ENTREP2: variants seen among roughly 807,000 people sequenced by gnomAD.
ENTREP2 encodes protein ENTREP2.
chr15:29,307,364 C>T, the ENTREP2 span, among the ~76,000 whole-genome samples: 1 of 151,946 alleles, frequency 6.6e-6, no homozygotes, highest in African/African-American at 2.4e-5. Flanking sequence ...TGCTTTCTAT[C>T]ATAATCATCA....
At chr15:29,623,248 T>C in the ENTREP2 span, among the ~76,000 whole-genome samples, 1 of 152,164 alleles carries the variant, frequency 6.6e-6, no homozygotes. Context: ...AGCCAGCCTC[T>C]GAGCGAGGAA....
chr15:29,444,787 C>T, the ENTREP2 span, among the ~76,000 whole-genome samples: 1 of 152,172 alleles, frequency 6.6e-6, no homozygotes, highest in African/African-American at 2.4e-5. Context: ...TTTCCTTTCA[C>T]AAATGCGTGG....
chr15:29,560,361 G>A, the ENTREP2 span, among the ~76,000 whole-genome samples: 1 of 152,198 alleles, frequency 6.6e-6, no homozygotes, highest in Non-Finnish European at 1.5e-5. Context: ...TATGTCAAGA[G>A]GAGAGAGGTA....
chr15:29,299,014 T>C, the ENTREP2 span, among the ~76,000 whole-genome samples: 1 of 152,040 alleles, frequency 6.6e-6, no homozygotes, highest in South Asian at 2.1e-4. Context: ...AGAAGAGTAA[T>C]GTCCATGGAA....
the ENTREP2 span, among the ~76,000 whole-genome samples, chr15:29,148,230 A>C: frequency 2.4e-4 from 37 of 152,344 alleles, no homozygotes; most frequent in East Asian, 6.9e-3. Context: ...TGAAGGTTGT[A>C]CAACTCTGTG....
chr15:29,460,318 T>A, the ENTREP2 span, among the ~76,000 whole-genome samples: 5 of 152,074 alleles, frequency 3.3e-5, no homozygotes, highest in Non-Finnish European at 5.9e-5. Context: ...ACAATGTATG[T>A]GTCAGTTACG....
the ENTREP2 span, among the ~76,000 whole-genome samples, chr15:29,356,789 C>A: frequency 6.6e-6 from 1 of 152,034 alleles, no homozygotes; most frequent in Non-Finnish European, 1.5e-5. Context: ...TAGGATCACA[C>A]AGATGTTAAT....
chr15:29,136,592 G>A, the ENTREP2 span: 2 of 1,360,612 alleles, frequency 1.5e-6, no homozygotes, highest in Non-Finnish European at 2.0e-6. Context: ...GGGGCGGCCA[G>A]GGCTTCCCCT....
the ENTREP2 span, among the ~76,000 whole-genome samples, chr15:29,575,612 CAAAG>C: frequency 6.6e-6 from 1 of 152,068 alleles, no homozygotes; most frequent in African/African-American, 2.4e-5. Context: ...TAGAAAATCT[CAAAG>C]AATTCACAAG....
the ENTREP2 span, among the ~76,000 whole-genome samples, chr15:29,600,902 C>CT: frequency 4.8e-4 from 59 of 123,584 alleles, 2 homozygotes; most frequent in South Asian, 7.2e-4. Context: ...ATTTTTCTTT[C>CT]TTTTTTTTTT....
At chr15:29,608,148 A>C in the ENTREP2 span, among the ~76,000 whole-genome samples, 1 of 152,146 alleles carries the variant, frequency 6.6e-6, no homozygotes. Flanking sequence ...CTCCAAGCCC[A>C]CTGACTCAAA....
chr15:29,383,783 AAAC>A, the ENTREP2 span, among the ~76,000 whole-genome samples: 1,157 of 152,180 alleles, frequency 7.6e-3, 12 homozygotes, highest in African/African-American at 0.026. Context: ...CAAAACAACA[AAAC>A]AACAACAAAA....
the ENTREP2 span, among the ~76,000 whole-genome samples, chr15:29,308,083 C>A: frequency 6.6e-6 from 1 of 152,066 alleles, no homozygotes; most frequent in Non-Finnish European, 1.5e-5. Context: ...GAGTAAATTT[C>A]TCCCCCTAGG....
At chr15:29,633,223 G>A in the ENTREP2 span, among the ~76,000 whole-genome samples, 1 of 152,158 alleles carries the variant, frequency 6.6e-6, no homozygotes, top group African/African-American at 2.4e-5. Context: ...AGGGCAGGAT[G>A]ACAACATGTG....
chr15:29,123,709 C>T, the ENTREP2 span: 1,675 of 1,494,916 alleles, frequency 1.1e-3, no homozygotes, highest in Non-Finnish European at 1.4e-3. Context: ...AAGAAGTTAA[C>T]TCAAAAGCAA....
the ENTREP2 span, among the ~76,000 whole-genome samples, chr15:29,571,508 A>G: frequency 1.3e-5 from 2 of 152,162 alleles, no homozygotes; most frequent in African/African-American, 4.8e-5. Flanking sequence ...CAGTTCGAGA[A>G]TCTCCCAAGC....
chr15:29,440,587 A>G, the ENTREP2 span, among the ~76,000 whole-genome samples: 1 of 152,184 alleles, frequency 6.6e-6, no homozygotes, highest in Non-Finnish European at 1.5e-5. Context: ...TCCAGTTTCC[A>G]ACGTTAGCTC....
At chr15:29,121,791 A>G in the ENTREP2 span, 1 of 152,228 alleles carries the variant, frequency 6.6e-6, no homozygotes, top group East Asian at 1.9e-4. Flanking sequence ...ACCACAGCTG[A>G]AGGAGTCCCA....
At chr15:29,362,803 A>C in the ENTREP2 span, among the ~76,000 whole-genome samples, 2 of 152,228 alleles carry the variant, frequency 1.3e-5, no homozygotes, top group Non-Finnish European at 2.9e-5. Flanking sequence ...GACTTAAGCA[A>C]ATAAAAATAA....
Sources: allele counts gnomAD v4.1 joint callset (sites outside exome capture counted in the v4.1 genomes callset), GRCh38; gene constraint gnomAD v4.1.1; transcripts MANE v1.5; gene names NCBI Gene and HGNC (gene_info 2026-07-23, HGNC 2026-07-21).